The following AK9 variants were observed in gnomAD, a reference collection of about 807,000 sequenced individuals.
The protein encoded by AK9 is adenylate kinase 9.
A neutral mutation model predicts 239.6 loss-of-function variants in AK9; 191 were observed. The ratio of observed to expected loss-of-function variants is 0.80; its 90% CI spans 0.71 to 0.90. AK9 has a LOEUF of 0.90. Among genes scored for constraint, AK9 ranks in the 40% least tolerant of loss-of-function variants. The pLI is 0.00. For missense variants in AK9, 1,995 were observed against 2,214.7 expected (o/e 0.90, Z 1.99); for synonymous variants, 689 against 721.0 (o/e 0.96, Z 0.71).
intron 8 of AK9, among the ~76,000 whole-genome samples, chr6:109,650,285 A>C (rs1232114808): frequency 1.3e-5 from 2 of 151,980 alleles, no homozygotes; most frequent in African/African-American, 4.8e-5. Context: ...AACTACCATC[A>C]GAGTGAACAG....
Position 109,564,756 on chromosome 6 carries a change from C to A in AK9, c.2434G>T (p.Val812Phe). The change falls in exon 22 of 41, where the codon GTT (valine) becomes TTT (phenylalanine). Residue 812 changes from valine (V) to phenylalanine (F), a missense_variant and splice_region_variant. Coordinates refer to ENST00000424296, the MANE Select transcript of AK9 (RefSeq NM_001145128.3). Reference protein sequence around the residue: ...GLEIEKLSETVVLPEFPEDSY... With the variant: ...GLEIEKLSETFVLPEFPEDSY... ...AACTACTTTCATTTTACAGTCTAAC[C>A]TGTTTCAGATAATTTTTCAATTTCC... The A allele has an allele frequency of 1.3e-6, 2 of 1,535,914 alleles. No individual in the cohort carries two copies. The highest frequency in any genetic ancestry group is 1.8e-6 in the Non-Finnish European group (2 of 1,137,442).
chr6:109,511,808 C>T (rs1778779850), intron 32 of AK9, among the ~76,000 whole-genome samples: 1 of 152,070 alleles, frequency 6.6e-6, no homozygotes, highest in Non-Finnish European at 1.5e-5. Flanking sequence ...AATAATTAGG[C>T]TCCTAAAATT....
In AK9 at chr6:109,691,193, G is replaced by A. The variant is rs572759000; in HGVS notation, c.-58C>T. ...CCTCTCTCGGCAGCACGCAGGTCCC[G>A]GGAGCCTCTACCCGACCTCTCTATG... is the stretch of plus-strand genomic sequence containing the variant. On this transcript the variant is annotated 5_prime_UTR_variant, in exon 1 of 41. Transcript: ENST00000424296. 1.9e-5 allele frequency: 11 copies of A among 582,490 alleles called. 1 individual carries two copies. Among genetic ancestry groups the A allele is most frequent in the South Asian group, 1.5e-4 (7 of 47,754 alleles). The allele number at this position is 582,490 out of a possible 1,614,324, so 36.1% of individuals were successfully genotyped here.
At chr6:109,505,436 AT>A (rs1375011119) in intron 35 of AK9, among the ~76,000 whole-genome samples, 1 of 152,218 alleles carries the variant, frequency 6.6e-6, no homozygotes, top group Non-Finnish European at 1.5e-5. Context: ...TCAATAAACT[AT>A]TTAACAAGAA....
intron 25 of AK9, among the ~76,000 whole-genome samples, chr6:109,548,732 G>C (rs1783927543): frequency 6.6e-6 from 1 of 152,144 alleles, no homozygotes; most frequent in African/African-American, 2.4e-5. Flanking sequence ...CAAAACTGTT[G>C]CACCCAGATC....
At chr6:109,650,727 C>G (rs1313425843) in intron 8 of AK9, among the ~76,000 whole-genome samples, 9 of 152,202 alleles carry the variant, frequency 5.9e-5, no homozygotes, top group Non-Finnish European at 1.3e-4. Flanking sequence ...CATCCCATTA[C>G]TGGGTATATA....
chr6:109,606,879 A>C (rs1792952970), intron 17 of AK9, among the ~76,000 whole-genome samples: 1 of 152,242 alleles, frequency 6.6e-6, no homozygotes, highest in African/African-American at 2.4e-5. Context: ...CTTTGGTAGA[A>C]ACAATATCTA....
chr6:109,662,738 T>C (rs1800601876), intron 5 of AK9, 75 bp from the exon 6 acceptor site: 2 of 638,018 alleles, frequency 3.1e-6, no homozygotes. Flanking sequence ...TTATATTATA[T>C]ATATATTTAC....
chr6:109,628,665 G>A (rs1583320401), intron 12 of AK9, among the ~76,000 whole-genome samples: 1 of 152,288 alleles, frequency 6.6e-6, no homozygotes, highest in East Asian at 1.9e-4. Context: ...TGATATGGGT[G>A]AAAATTTTCA....
rs558432981 is a variant in AK9 at position 109,592,129 on chromosome 6, G to A, written c.1843-6057C>T. ...CGTGTAGGAATGCTACATTTTCTAG[G>A]ATTTGACATTTTCAGCAATCGAAAA... On this transcript the variant is annotated intron_variant, in intron 17 of 40. Transcript: ENST00000424296. Among the ~76,000 whole-genome samples, 112 of 149,760 alleles carry A rather than the reference G, an allele frequency of 7.5e-4. 1 individual carries two copies. The highest frequency in any genetic ancestry group is 2.6e-3 in the African/African-American group (109 of 41,376).
rs1179286832 is a variant in AK9, at chr6:109,668,905, T to C, written c.331+3014A>G. Among the ~76,000 whole-genome samples the C allele has an allele frequency of 2.3e-5, 2 of 88,594 alleles. 1 individual carries two copies. Among genetic ancestry groups the C allele is most frequent in the African/African-American group, 6.7e-5 (2 of 29,794 alleles). 58.1% of individuals were successfully genotyped at this position (88,594 alleles called of 152,430 possible). A position where few individuals can be genotyped will look rare whatever the true frequency, so the allele number is the denominator to read the frequency against. On this transcript the variant is annotated intron_variant, in intron 5 of 40. Coordinates refer to ENST00000424296, the MANE Select transcript of AK9 (RefSeq NM_001145128.3). ...AGCTCTTTTTTGGTTCCATATGAACTTTAAAGTAGTTTTTTCCAATTCTGT... is the reference window on the plus strand; with the variant it reads ...AGCTCTTTTTTGGTTCCATATGAACCTTAAAGTAGTTTTTTCCAATTCTGT...
intron 1 of AK9, among the ~76,000 whole-genome samples, chr6:109,685,655 C>G (rs1197506560): frequency 6.6e-6 from 1 of 151,922 alleles, no homozygotes. Flanking sequence ...TGCAGCAAAC[C>G]ACCATGGCAT....
chr6:109,595,615 T>C (rs1321417146), intron 17 of AK9, among the ~76,000 whole-genome samples: 1 of 152,184 alleles, frequency 6.6e-6, no homozygotes, highest in Non-Finnish European at 1.5e-5. Context: ...TGCCCATCGA[T>C]GATAGACTGG....
At chr6:109,503,243 A>G (rs1264775489) in intron 35 of AK9, among the ~76,000 whole-genome samples, 1 of 152,060 alleles carries the variant, frequency 6.6e-6, no homozygotes, top group East Asian at 1.9e-4. Context: ...ACATGGTGCT[A>G]TAGTATTCTA....
chr6:109,657,241 T>G (rs1447007948), intron 7 of AK9, among the ~76,000 whole-genome samples: 1 of 152,168 alleles, frequency 6.6e-6, no homozygotes, highest in East Asian at 1.9e-4. Context: ...GTGCCTTCTA[T>G]GCATCAGGCA....
chr6:109,585,887 T>C (rs1253221097), intron 18 of AK9, 29 bp downstream of exon 18: 7 of 1,522,160 alleles, frequency 4.6e-6, no homozygotes, highest in Non-Finnish European at 6.2e-6. Flanking sequence ...AACTTCACTT[T>C]CAAATTTACA....
chr6:109,497,461 T>C lies in AK9; in HGVS notation c.5315+4A>G, dbSNP rs1334240780. 3.2e-6 allele frequency: 5 copies of C among 1,553,082 alleles called. No individual in the cohort carries two copies. The highest frequency in any genetic ancestry group is 4.4e-6 in the Non-Finnish European group (5 of 1,125,680). On this transcript the variant is annotated splice_donor_region_variant and intron_variant, in intron 38 of 40. Coordinates refer to ENST00000424296, the MANE Select transcript of AK9 (RefSeq NM_001145128.3). ...AGTAAATATTTGTGATTTAATGGTC[T>C]CACCTCAAAAATTTCTGGAGTTTTT...
At chr6:109,644,847 C>A (rs1024651877) in intron 8 of AK9, among the ~76,000 whole-genome samples, 159 bp from the exon 9 acceptor site, 6 of 152,156 alleles carry the variant, frequency 3.9e-5, no homozygotes, top group South Asian at 2.1e-4. Context: ...AGATCTTTTG[C>A]AAAAGCTCAA....
chr6:109,683,134 C>G lies in AK9; in HGVS notation c.-11-7378G>C, dbSNP rs754307794. ...AATGTAATCCATCACATAAATAGAA[C>G]CAATGACAAAACCACATGATTATCT... is the stretch of plus-strand genomic sequence containing the variant. On this transcript the variant is annotated intron_variant, in intron 1 of 40. Transcript: ENST00000424296. Among the ~76,000 whole-genome samples, 19 of 152,092 alleles carry G rather than the reference C, an allele frequency of 1.2e-4. 1 individual carries two copies. The highest frequency in any genetic ancestry group is 8.5e-4 in the Admixed American group (13 of 15,264).
Sources: gnomAD v4.1 joint callset for allele counts (sites outside exome capture counted in the v4.1 genomes callset) on GRCh38, gnomAD v4.1.1 for gene constraint, MANE v1.5 for transcripts, NCBI Gene and HGNC (gene_info 2026-07-23, HGNC 2026-07-21) for gene names.